Variants in CCDC7 observed in about 807,000 individuals in gnomAD.
CCDC7 encodes coiled-coil domain containing 7, also known as coiled-coil domain-containing protein 7.
Under a neutral mutation model 196.9 loss-of-function variants are expected in CCDC7, and 183 were observed. The ratio of observed to expected loss-of-function variants is 0.93; its 90% confidence interval spans 0.82 to 1.05. CCDC7 has a LOEUF of 1.05. Ranked by LOEUF, CCDC7 falls within the 50% of genes least tolerant of loss-of-function variation. CCDC7 has a pLI of 0.00. For synonymous variants in CCDC7, 525 were observed against 484.6 expected, an observed-to-expected ratio of 1.08 and a Z score of -1.10; for missense variants, 1,540 against 1,482.2, an observed-to-expected ratio of 1.04 and a Z score of -0.64.
intron 41 of CCDC7, among the ~76,000 whole-genome samples, chr10:32,866,620 G>A (rs1461146935): frequency 6.6e-6 from 1 of 151,428 alleles, no homozygotes; most frequent in Non-Finnish European, 1.5e-5. Flanking sequence ...AGGAAGAAAA[G>A]GAGGTGGTGG....
chr10:32,677,241 G>A (rs1437404623), intron 21 of CCDC7, among the ~76,000 whole-genome samples: 2 of 150,280 alleles, frequency 1.3e-5, no homozygotes, highest in Non-Finnish European at 3.0e-5. Context: ...GGGAAGGATA[G>A]CATTAGGAGA....
intron 40 of CCDC7, 28 bp downstream of exon 41, chr10:32,851,960 T>C: frequency 6.4e-7 from 1 of 1,560,228 alleles, no homozygotes; most frequent in Non-Finnish European, 8.6e-7. Flanking sequence ...TAGTGTACAG[T>C]GTGATTTTTA....
At chr10:32,475,496 C>G (rs1015165591) in intron 8 of CCDC7, among the ~76,000 whole-genome samples, 34 of 152,218 alleles carry the variant, frequency 2.2e-4, no homozygotes, top group Admixed American at 6.5e-5. Context: ...ATCTTCCAAT[C>G]ATAAAACCAC....
intron 18 of CCDC7, among the ~76,000 whole-genome samples, chr10:32,591,771 T>C (rs926750916): frequency 6.6e-6 from 1 of 152,178 alleles, no homozygotes; most frequent in African/African-American, 2.4e-5. Context: ...CAGTTAGCTT[T>C]TGGTGAATGC....
intron 9 of CCDC7, chr10:32,511,765 T>C: frequency 6.7e-7 from 1 of 1,495,832 alleles, no homozygotes; most frequent in Non-Finnish European, 9.3e-7. Context: ...GGCCTTCGAC[T>C]CCAGCCTCCC....
chr10:32,562,331 G>A (rs920488837), intron 13 of CCDC7, among the ~76,000 whole-genome samples: 13 of 152,060 alleles, frequency 8.5e-5, no homozygotes, highest in African/African-American at 2.9e-4. Context: ...TATCAAAGCC[G>A]GGCAGAGACA....
rs551202144 is a variant in CCDC7, at chr10:32,848,543, G to A, written c.3773-53G>A. 2.3e-6 allele frequency: 3 copies of A among 1,293,580 alleles called. No homozygotes were observed. In the South Asian group the frequency reaches 3.7e-5, roughly 16 times the overall value. 80.1% of individuals were successfully genotyped at this position (1,293,580 alleles called of 1,614,324 possible). A position where few individuals can be genotyped will look rare whatever the true frequency, so the allele number is the denominator to read the frequency against. ...ACAAATACGTGGAGATGGGATTAGT[G>A]TGTGAATAGTCAAGAGTATTCATGC... is the stretch of plus-strand genomic sequence containing the variant. On this transcript the variant is annotated intron_variant, in intron 38 of 41. Coordinates refer to ENST00000639629, the Ensembl canonical transcript of CCDC7.
At chr10:32,623,605 T>C (rs1239380203) in intron 18 of CCDC7, 3 of 416,898 alleles carry the variant, frequency 7.2e-6, no homozygotes, top group Non-Finnish European at 1.4e-5. Context: ...CAATAAATAC[T>C]ATTAAGAACT....
chr10:32,646,845 G>A (rs78252985), intron 20 of CCDC7, among the ~76,000 whole-genome samples: 6,297 of 152,214 alleles, frequency 0.041, 131 homozygotes, highest in Middle Eastern at 0.065. Flanking sequence ...TCAGTTTTCT[G>A]TTCCTGTATT....
At chr10:32,496,892 G>T (rs1203948031) in intron 9 of CCDC7, among the ~76,000 whole-genome samples, 1 of 152,156 alleles carries the variant, frequency 6.6e-6, no homozygotes, top group African/African-American at 2.4e-5. Flanking sequence ...GTATCAGGAA[G>T]GTGCTGGCCT....
At chr10:32,521,324 C>T (rs1423923216) in intron 11 of CCDC7, among the ~76,000 whole-genome samples, 7 of 152,100 alleles carry the variant, frequency 4.6e-5, no homozygotes, top group African/African-American at 1.4e-4. Flanking sequence ...GACATTTTAA[C>T]AATATTGACT....
At chr10:32,564,749 A>C (rs904629595) in intron 13 of CCDC7, among the ~76,000 whole-genome samples, 1 of 151,984 alleles carries the variant, frequency 6.6e-6, no homozygotes, top group African/African-American at 2.4e-5. Context: ...ACATGTATAC[A>C]TATGTAACTA....
In CCDC7 at chr10:32,683,832, A is replaced by C. The variant is rs555012539; in HGVS notation, c.2123-2138A>C. Among the ~76,000 whole-genome samples, 4 of 152,332 alleles carry C rather than the reference A, an allele frequency of 2.6e-5. No homozygotes were observed. The South Asian group carries it at 6.2e-4, about 24-fold the overall frequency. ...AGTAGGGTGGCTGCATTGAGGGCCAAGGTCGGAAGGCCCTGCTTAGTAAGG... is the reference window on the plus strand; with the variant it reads ...AGTAGGGTGGCTGCATTGAGGGCCACGGTCGGAAGGCCCTGCTTAGTAAGG... On this transcript the variant is annotated intron_variant, in intron 21 of 41. Transcript: ENST00000639629.
intron 22 of CCDC7, 63 bp downstream of exon 23, chr10:32,686,143 TC>T: frequency 1.2e-6 from 1 of 818,150 alleles, no homozygotes. Flanking sequence ...AAGGTATTTT[TC>T]TTCAGTTCAT....
chr10:32,614,915 TA>T (rs1422807444), intron 18 of CCDC7, among the ~76,000 whole-genome samples: 1 of 152,218 alleles, frequency 6.6e-6, no homozygotes. Context: ...ATTTCTGAGT[TA>T]TTTCACTTAG....
At chr10:32,685,451 T>G (rs1022490591) in intron 21 of CCDC7, among the ~76,000 whole-genome samples, 12 of 152,254 alleles carry the variant, frequency 7.9e-5, no homozygotes, top group African/African-American at 2.9e-4. Flanking sequence ...TTTCTGTCTC[T>G]AGTGATAAGC....
intron 11 of CCDC7, among the ~76,000 whole-genome samples, chr10:32,519,236 G>T (rs986863816): frequency 6.6e-6 from 1 of 152,086 alleles, no homozygotes; most frequent in Non-Finnish European, 1.5e-5. Flanking sequence ...AATAGGAATA[G>T]AACATTGGTA....
At chr10:32,713,348 T>C (rs899725822) in intron 25 of CCDC7, among the ~76,000 whole-genome samples, 6 of 152,218 alleles carry the variant, frequency 3.9e-5, no homozygotes, top group African/African-American at 7.2e-5. Flanking sequence ...AATGTCATTT[T>C]TTCCCACCCC....
intron 28 of CCDC7, among the ~76,000 whole-genome samples, chr10:32,760,799 A>G (rs1457340679): frequency 6.6e-6 from 1 of 151,994 alleles, no homozygotes; most frequent in Non-Finnish European, 1.5e-5. Flanking sequence ...ACCCAAAGCA[A>G]GATGGCTCCG....
Sources: gnomAD v4.1 joint callset for allele counts (sites outside exome capture counted in the v4.1 genomes callset) on GRCh38, gnomAD v4.1.1 for gene constraint, MANE v1.5 for transcripts, NCBI Gene and HGNC (gene_info 2026-07-23, HGNC 2026-07-21) for gene names.